Variants in CPAMD8 observed in about 807,000 individuals in gnomAD.
CPAMD8 encodes the protein C3 and PZP-like alpha-2-macroglobulin domain-containing protein 8.
In CPAMD8, 146 loss-of-function variants were observed where a neutral mutation model predicts 224.7. The ratio of observed to expected loss-of-function variants is 0.65; its 90% CI spans 0.57 to 0.75. The LOEUF (loss-of-function observed/expected upper bound fraction) is 0.75, where lower values mean the gene tolerates loss of function less well. Among genes scored for constraint, CPAMD8 ranks in the 30% least tolerant of loss-of-function variants. The pLI is 0.00. For synonymous variants in CPAMD8, 966 were observed against 1,044.6 expected (o/e 0.92, Z 1.45); for missense variants, 2,301 against 2,537.5 (o/e 0.91, Z 2.00).
chr19:17,011,792 T>G, intron 3 of CPAMD8, 35 bp from the exon 4 acceptor site: 1 of 1,602,770 alleles, frequency 6.2e-7, no homozygotes, highest in Non-Finnish European at 8.5e-7. Context: ...GGACAAGAAT[T>G]CACCCTGGAA....
At chr19:17,007,755 C>T (rs2056532615) in intron 7 of CPAMD8, among the ~76,000 whole-genome samples, 1 of 152,216 alleles carries the variant, frequency 6.6e-6, no homozygotes, top group Admixed American at 6.5e-5. Context: ...ATGTCAATTA[C>T]ACAGTCTTCC....
At chr19:16,970,189 A>C (rs2055006468) in intron 18 of CPAMD8, among the ~76,000 whole-genome samples, 2 of 145,226 alleles carry the variant, frequency 1.4e-5, no homozygotes, top group Admixed American at 1.4e-4. Context: ...CAGTGAGCTG[A>C]GATCGCACTA....
intron 26 of CPAMD8, among the ~76,000 whole-genome samples, chr19:16,923,680 G>C (rs1700566363): frequency 6.6e-6 from 1 of 152,220 alleles, no homozygotes; most frequent in African/African-American, 2.4e-5. Flanking sequence ...AGAGAAAAGA[G>C]AGGCCGGGCA....
intron 29 of CPAMD8, among the ~76,000 whole-genome samples, chr19:16,909,832 A>G (rs2052657291): frequency 6.6e-6 from 1 of 152,084 alleles, no homozygotes; most frequent in South Asian, 2.1e-4. Context: ...CATAGGCACA[A>G]TCCCACTGCT....
In CPAMD8 at chr19:16,894,326, T is replaced by C. The variant is rs529462027; in HGVS notation, c.5427-987A>G. 189 of 440,828 alleles carry C rather than the reference T, an allele frequency of 4.3e-4. 2 individuals carry two copies. Among genetic ancestry groups the C allele is most frequent in the South Asian group, 2.9e-3 (186 of 64,244 alleles). 27.3% of individuals were successfully genotyped at this position (440,828 alleles called of 1,614,324 possible). ...ATTTAGAGGCAGGTGTCACCTGGGCTGAGGTCTGCCCACCCACCATACAGA... is the reference window on the plus strand; with the variant it reads ...ATTTAGAGGCAGGTGTCACCTGGGCCGAGGTCTGCCCACCCACCATACAGA... On this transcript the variant is annotated intron_variant, in intron 41 of 41. Coordinates refer to ENST00000443236, the MANE Select transcript of CPAMD8 (RefSeq NM_015692.5).
intron 10 of CPAMD8, among the ~76,000 whole-genome samples, chr19:16,999,354 G>A (rs2056235138): frequency 6.6e-6 from 1 of 152,032 alleles, no homozygotes; most frequent in Admixed American, 6.6e-5. Context: ...GCCGAGGCAG[G>A]TGGATCACGA....
chr19:16,955,197 A>C (rs2054429562), intron 19 of CPAMD8, among the ~76,000 whole-genome samples: 1 of 152,126 alleles, frequency 6.6e-6, no homozygotes, highest in Non-Finnish European at 1.5e-5. Context: ...TGGAAGGTTA[A>C]GGCAGAGGAA....
chr19:17,025,132 C>G (rs1466268531), intron 1 of CPAMD8, among the ~76,000 whole-genome samples: 1 of 152,178 alleles, frequency 6.6e-6, no homozygotes, highest in Admixed American at 6.5e-5. Flanking sequence ...TCTAACGGGC[C>G]AGGCACGGTG....
At chr19:17,022,681 T>C (rs139932243) in intron 1 of CPAMD8, among the ~76,000 whole-genome samples, 9 of 152,198 alleles carry the variant, frequency 5.9e-5, no homozygotes, top group African/African-American at 1.9e-4. Flanking sequence ...GTCTTTTTAG[T>C]AGAGGCAGGG....
chr19:17,003,800 GTGTAGGACCA>G (rs2056405130), intron 8 of CPAMD8, among the ~76,000 whole-genome samples: 1 of 150,354 alleles, frequency 6.7e-6, no homozygotes, highest in Admixed American at 6.6e-5. Context: ...AAAAGTAAGA[GTGTAGGACCA>G]TCCCCTGAAA....
rs913761693 is a variant in CPAMD8, at chr19:17,002,206, G to A, written c.758+60C>T. The A allele has an allele frequency of 1.5e-4, 165 of 1,121,472 alleles. 3 individuals are homozygous for A. The highest frequency in any genetic ancestry group is 8.1e-4 in the South Asian group (61 of 75,428). 69.5% of individuals were successfully genotyped at this position (1,121,472 alleles called of 1,614,324 possible). On this transcript the variant is annotated intron_variant, in intron 9 of 41. Transcript: ENST00000443236. ...AGGGGAACGACCTTGAGGGAGCAGC[G>A]TGATGGTTGGGGAAGGGGAAGGGCC...
intron 10 of CPAMD8, among the ~76,000 whole-genome samples, chr19:16,998,543 G>A (rs1370344027): frequency 6.6e-6 from 1 of 152,178 alleles, no homozygotes; most frequent in Non-Finnish European, 1.5e-5. Flanking sequence ...ATGTGTCTCA[G>A]GTGGGAAAGG....
chr19:16,925,913 C>G (rs1397126172), intron 25 of CPAMD8, among the ~76,000 whole-genome samples: 2 of 152,024 alleles, frequency 1.3e-5, no homozygotes, highest in Non-Finnish European at 2.9e-5. Flanking sequence ...GCCACCACAC[C>G]CAACTAATTT....
intron 1 of CPAMD8, among the ~76,000 whole-genome samples, chr19:17,023,357 A>G (rs992528270): frequency 2.2e-4 from 33 of 152,198 alleles, no homozygotes; most frequent in African/African-American, 7.2e-4. Context: ...CCTGTCTCCC[A>G]GTATCTGCAG....
rs756831441 is a variant in CPAMD8 at position 16,929,080 on chromosome 19, C to G, written c.3006G>C (p.Leu1002=). The change falls in exon 24 of 42, where the codon CTG becomes CTC. Residue 1002 remains leucine, a synonymous_variant. Coordinates refer to ENST00000443236, the MANE Select transcript of CPAMD8 (RefSeq NM_015692.5). The part of the protein sequence containing the change: ...QDTAGMIEIV[L]GGHQNTRSWI... ...ATGACCTGGTGTTCTGATGCCCCCC[C>G]AGGACGATCTCGATCATGCCTGCTG... 3 of 1,614,046 alleles carry G rather than the reference C, an allele frequency of 1.9e-6. No homozygotes were observed. The highest frequency in any genetic ancestry group is 1.1e-5 in the South Asian group (1 of 91,092).
At chr19:16,986,491 TTTAATGGAATTACAAGAAGAACAG>T (rs2055726116) in intron 13 of CPAMD8, among the ~76,000 whole-genome samples, 2 of 152,188 alleles carry the variant, frequency 1.3e-5, no homozygotes, top group South Asian at 4.2e-4. Flanking sequence ...GCACCACTGG[TTTAATGGAATTACAAGAAGAACAG>T]TGTGTTCAGC....
chr19:16,896,435 G>A (rs934409343), intron 40 of CPAMD8, 21 bp downstream of exon 40: 1 of 1,468,200 alleles, frequency 6.8e-7, no homozygotes, highest in Non-Finnish European at 9.0e-7. Flanking sequence ...CCCGAGGCTA[G>A]GCGGGGGGTA....
Position 16,947,357 on chromosome 19 carries a change from CCCGGGAAGGTCCCCTTTCCATTTCCGA to C in CPAMD8, c.2509-157_2509-131del, listed in dbSNP as rs1010754286. ...CAGCCTCCCAAAGAGCCATGCTCCCCCCGGGAAGGTCCCCTTTCCATTTCCGATCAGAACAAACTACCCTCTGCTGTC... is the reference window on the plus strand; with the variant it reads ...CAGCCTCCCAAAGAGCCATGCTCCCCTCAGAACAAACTACCCTCTGCTGTC... On this transcript the variant is annotated intron_variant, in intron 20 of 41. Coordinates refer to ENST00000443236, the MANE Select transcript of CPAMD8 (RefSeq NM_015692.5). 5 of 1,151,692 alleles carry C rather than the reference CCCGGGAAGGTCCCCTTTCCATTTCCGA, an allele frequency of 4.3e-6. No homozygotes were observed. In the African/African-American group the frequency reaches 7.9e-5, roughly 18 times the overall value. The allele number at this position is 1,151,692 out of a possible 1,614,324, so 71.3% of individuals were successfully genotyped here. A position where few individuals can be genotyped will look rare whatever the true frequency, so the allele number is the denominator to read the frequency against.
At chr19:16,909,756 A>AT (rs397812801) in intron 29 of CPAMD8, among the ~76,000 whole-genome samples, 6 of 151,308 alleles carry the variant, frequency 4.0e-5, no homozygotes, top group Non-Finnish European at 8.8e-5. Context: ...AAAAAAAAAA[A>AT]TTTGTATTAG....
Sources: gnomAD v4.1 joint callset for allele counts (sites outside exome capture counted in the v4.1 genomes callset) on GRCh38, gnomAD v4.1.1 for gene constraint, MANE v1.5 for transcripts, NCBI Gene and HGNC (gene_info 2026-07-23, HGNC 2026-07-21) for gene names.